The following R3HCC1L variants were observed in gnomAD, a reference collection of about 807,000 sequenced individuals.
The protein encoded by R3HCC1L is coiled-coil domain-containing protein R3HCC1L.
R3HCC1L carries 51 observed loss-of-function variants against 59.9 expected under a neutral mutation model. The observed-to-expected ratio is 0.85, with a 90% CI of 0.68 to 1.07. The LOEUF (loss-of-function observed/expected upper bound fraction) is 1.07, where lower values mean the gene tolerates loss of function less well. Among genes scored for constraint, R3HCC1L ranks in the 50% least tolerant of loss-of-function variants. R3HCC1L has a pLI of 0.00. For synonymous variants in R3HCC1L, 322 were observed against 315.2 expected, an observed-to-expected ratio of 1.02 and a Z score of -0.23; for missense variants, 965 against 933.0, an observed-to-expected ratio of 1.03 and a Z score of -0.45.
chr10:98,184,882 A>G (rs1265319136), intron 4 of R3HCC1L, among the ~76,000 whole-genome samples: 1 of 152,168 alleles, frequency 6.6e-6, no homozygotes, highest in East Asian at 1.9e-4. Flanking sequence ...ATTGGCTTGT[A>G]TGGTGTCTGG....
chr10:98,240,797 A>AT (rs11442554), intron 9 of R3HCC1L, among the ~76,000 whole-genome samples: 82,899 of 133,254 alleles, frequency 0.62, 25,475 homozygotes, highest in Middle Eastern at 0.69. Context: ...TTCTAACCAC[A>AT]TTTTTTTTTT....
intron 4 of R3HCC1L, among the ~76,000 whole-genome samples, chr10:98,183,122 A>G (rs1389777899): frequency 6.6e-6 from 1 of 152,188 alleles, no homozygotes; most frequent in African/African-American, 2.4e-5. Flanking sequence ...TTTCTGTGTC[A>G]GTCACACTGG....
chr10:98,219,670 A>G (rs1564715607), intron 5 of R3HCC1L, among the ~76,000 whole-genome samples: 1 of 152,078 alleles, frequency 6.6e-6, no homozygotes, highest in Non-Finnish European at 1.5e-5. Context: ...AGATTTCCTT[A>G]AGCATTTCTT....
intron 4 of R3HCC1L, among the ~76,000 whole-genome samples, chr10:98,197,988 A>G (rs1590668359): frequency 6.6e-6 from 1 of 152,196 alleles, no homozygotes; most frequent in South Asian, 2.1e-4. Context: ...GTGAAAAACC[A>G]CTGAAGAATT....
chr10:98,215,022 G>A (rs145789140), intron 5 of R3HCC1L, among the ~76,000 whole-genome samples: 13 of 152,288 alleles, frequency 8.5e-5, no homozygotes, highest in East Asian at 5.8e-4. Flanking sequence ...GCCAGAGTTG[G>A]CATTAGAATC....
At chr10:98,214,263 A>G (rs958702438) in intron 5 of R3HCC1L, among the ~76,000 whole-genome samples, 2 of 152,190 alleles carry the variant, frequency 1.3e-5, no homozygotes, top group African/African-American at 4.8e-5. Flanking sequence ...TTCTTGCCTG[A>G]AGATTCAGAT....
rs372560284 is a variant in R3HCC1L, at chr10:98,208,107, G to T, written c.-8G>T. The T allele has an allele frequency of 4.4e-6, 7 of 1,598,228 alleles. No homozygotes were observed. The highest frequency in any genetic ancestry group is 6.0e-6 in the Non-Finnish European group (7 of 1,173,484). On this transcript the variant is annotated 5_prime_UTR_variant, in exon 5 of 10. Transcript: ENST00000298999. ...AATCATTCTTCTCTTGCAGATTGTG[G>T]TGGTGCCATGCAGCAAGAATCAGAG...
Position 98,208,418 on chromosome 10 carries a change from AAT to A in R3HCC1L, c.306_307del (p.Asn102LysfsTer5), listed in dbSNP as rs1400934449. 6.2e-7 allele frequency: 1 copy of A among 1,613,958 alleles called. No individual in the cohort carries two copies. The highest frequency in any genetic ancestry group is 8.5e-7 in the Non-Finnish European group (1 of 1,179,996). On this transcript the variant is annotated frameshift_variant, in exon 5 of 10. Transcript: ENST00000298999. LOFTEE classifies it high-confidence loss of function. ...AATGGACACATGCCTTCAAAAAACAAATAGAGTTTGTTCTAAGAGAGGAACCA... is the reference window on the plus strand; with the variant it reads ...AATGGACACATGCCTTCAAAAAACAAAGAGTTTGTTCTAAGAGAGGAACCA... ...LRMDTCLQKT[N>X]RVCSKRGTTE...
chr10:98,196,060 TGTG>T (rs1564676851), intron 4 of R3HCC1L, among the ~76,000 whole-genome samples: 1 of 152,204 alleles, frequency 6.6e-6, no homozygotes. Flanking sequence ...TGCTTTGTCA[TGTG>T]GTGAATAGAG....
chr10:98,185,047 CTT>C (rs1850078707), intron 4 of R3HCC1L, among the ~76,000 whole-genome samples: 1 of 152,144 alleles, frequency 6.6e-6, no homozygotes. Flanking sequence ...CCATCTTTTA[CTT>C]TGTTTTAATG....
chr10:98,236,551 A>G (rs371832698), intron 9 of R3HCC1L, among the ~76,000 whole-genome samples: 1 of 152,302 alleles, frequency 6.6e-6, no homozygotes, highest in Admixed American at 6.5e-5. Flanking sequence ...AATGTTATCA[A>G]ATGGTTTAGA....
At chr10:98,172,996 G>A (rs1848663646) in intron 4 of R3HCC1L, among the ~76,000 whole-genome samples, 14 of 152,058 alleles carry the variant, frequency 9.2e-5, no homozygotes, top group Admixed American at 9.2e-4. Flanking sequence ...TGAGGTAAAG[G>A]TAATTTACTG....
At chr10:98,224,162 G>A (rs1855393945) in intron 5 of R3HCC1L, among the ~76,000 whole-genome samples, 2 of 152,008 alleles carry the variant, frequency 1.3e-5, no homozygotes, top group South Asian at 4.2e-4. Context: ...GCCCCAGGAA[G>A]GTGTGCATGA....
chr10:98,236,022 A>G lies in R3HCC1L; in HGVS notation c.2129-2A>G. 6.2e-7 allele frequency: 1 copy of G among 1,612,680 alleles called. No individual in the cohort carries two copies. Among genetic ancestry groups the G allele is most frequent in the South Asian group, 1.1e-5 (1 of 91,044 alleles). ...CCTACTCCCTTCCTTTCTTCGATTCAGAGTTCCTCCAGCCAGCAAAGGAGC... is the reference window on the plus strand; with the variant it reads ...CCTACTCCCTTCCTTTCTTCGATTCGGAGTTCCTCCAGCCAGCAAAGGAGC... On this transcript the variant is annotated splice_acceptor_variant, in intron 8 of 9. Transcript: ENST00000298999. LOFTEE classifies it high-confidence loss of function.
chr10:98,167,314 A>C (rs1736721552), intron 4 of R3HCC1L, among the ~76,000 whole-genome samples: 1 of 152,156 alleles, frequency 6.6e-6, no homozygotes, highest in African/African-American at 2.4e-5. Context: ...GAAACTCTTA[A>C]ATTTATTAAC....
chr10:98,135,865 C>G (rs914464289), intron 1 of R3HCC1L, among the ~76,000 whole-genome samples: 3 of 152,172 alleles, frequency 2.0e-5, no homozygotes, highest in African/African-American at 7.2e-5. Flanking sequence ...CTGTCCCCAG[C>G]AGGTCTTGTG....
chr10:98,186,578 C>G (rs1282314825), intron 4 of R3HCC1L: 1 of 885,164 alleles, frequency 1.1e-6, no homozygotes, highest in East Asian at 1.2e-4. Context: ...TGACCATTGC[C>G]ACTAACAGTT....
intron 5 of R3HCC1L, among the ~76,000 whole-genome samples, chr10:98,211,594 G>A (rs576207436): frequency 6.6e-6 from 1 of 151,996 alleles, no homozygotes; most frequent in Admixed American, 6.6e-5. Context: ...GGAATAGAGA[G>A]AGCACATGAA....
intron 4 of R3HCC1L, among the ~76,000 whole-genome samples, chr10:98,203,291 T>C (rs549722478): frequency 6.6e-6 from 1 of 152,280 alleles, no homozygotes; most frequent in Non-Finnish European, 1.5e-5. Flanking sequence ...GAGGAATATA[T>C]GCATGATTCC....
Sources: allele counts gnomAD v4.1 joint callset (sites outside exome capture counted in the v4.1 genomes callset), GRCh38; gene constraint gnomAD v4.1.1; transcripts MANE v1.5; gene names NCBI Gene and HGNC (gene_info 2026-07-23, HGNC 2026-07-21).